Variants in GALNT13 observed in about 807,000 individuals in gnomAD.
GALNT13 encodes the protein polypeptide N-acetylgalactosaminyltransferase 13, also known as UDP-GalNAc:polypeptide N-acetylgalactosaminyltransferase 13.
Under a neutral mutation model 64.2 loss-of-function variants are expected in GALNT13, and 28 were observed. The ratio of observed to expected loss-of-function variants is 0.44; its 90% CI spans 0.32 to 0.60. The LOEUF (loss-of-function observed/expected upper bound fraction) is 0.60, where lower values mean the gene tolerates loss of function less well. Ranked by LOEUF, GALNT13 falls within the 20% of genes least tolerant of loss-of-function variation. The probability of loss-of-function intolerance (pLI) is 0.05; values close to 1 mark genes in which losing one functional copy is unlikely to be tolerated. For synonymous variants in GALNT13, 214 were observed against 224.6 expected, an observed-to-expected ratio of 0.95 and a Z score of 0.42; for missense variants, 577 against 669.8, an observed-to-expected ratio of 0.86 and a Z score of 1.53.
the GALNT13 span, among the ~76,000 whole-genome samples, chr2:153,769,457 A>G: frequency 1.1e-4 from 17 of 150,636 alleles, no homozygotes; most frequent in East Asian, 3.4e-3. Flanking sequence ...ATCTGTTATT[A>G]GTCTGATAGA....
chr2:153,705,274 A>G, the GALNT13 span, among the ~76,000 whole-genome samples: 1 of 152,188 alleles, frequency 6.6e-6, no homozygotes, highest in South Asian at 2.1e-4. Context: ...TTTTTCCTGT[A>G]AAATAAAGAT....
At chr2:153,356,794 T>A in the GALNT13 span, among the ~76,000 whole-genome samples, 1 of 128,166 alleles carries the variant, frequency 7.8e-6, no homozygotes, top group Non-Finnish European at 1.7e-5. Flanking sequence ...TTCCTCTTTT[T>A]TTTTTTTTTT....
the GALNT13 span, among the ~76,000 whole-genome samples, chr2:153,377,594 C>A: frequency 2.0e-5 from 3 of 152,088 alleles, no homozygotes; most frequent in Admixed American, 6.6e-5. Context: ...CCTCGGCTTG[C>A]CTTTGATGTC....
the GALNT13 span, among the ~76,000 whole-genome samples, chr2:153,545,731 T>A: frequency 6.6e-6 from 1 of 152,062 alleles, no homozygotes; most frequent in Non-Finnish European, 1.5e-5. Flanking sequence ...TGCCCCAATA[T>A]CTAGGGAGAG....
the GALNT13 span, among the ~76,000 whole-genome samples, chr2:153,136,058 T>C: frequency 1.3e-5 from 2 of 152,088 alleles, no homozygotes; most frequent in East Asian, 1.9e-4. Flanking sequence ...TTCTCTCTTA[T>C]TGAAAGCTGA....
chr2:153,744,220 A>T, the GALNT13 span, among the ~76,000 whole-genome samples: 2 of 152,066 alleles, frequency 1.3e-5, no homozygotes, highest in Non-Finnish European at 2.9e-5. Flanking sequence ...ATCATATGGT[A>T]ACTCAATTTT....
rs548647287 is a variant in GALNT13, at chr2:154,151,735, A to T, written c.311+11230A>T. On this transcript the variant is annotated intron_variant, in intron 4 of 12. Transcript: ENST00000392825. ...TTGTTGGTTTAAAGTCTGTTTTATC[A>T]GGGACTAGGATTGCAATCCCTGCCT... Among the ~76,000 whole-genome samples the T allele has an allele frequency of 3.9e-5, 6 of 152,270 alleles. No individual in the cohort carries two copies. The South Asian group carries it at 1.2e-3, about 32-fold the overall frequency.
chr2:153,591,181 G>A, the GALNT13 span, among the ~76,000 whole-genome samples: 2 of 151,952 alleles, frequency 1.3e-5, no homozygotes, highest in East Asian at 3.9e-4. Context: ...TAACCTAGCT[G>A]ACAAGATCAA....
In GALNT13 at chr2:154,004,963, A is replaced by G. The variant is rs116580840; in HGVS notation, c.142+60324A>G. Among the ~76,000 whole-genome samples the G allele has an allele frequency of 6.5e-3, 995 of 152,308 alleles. 8 individuals are homozygous for G. The highest frequency in any genetic ancestry group is 0.022 in the African/African-American group (921 of 41,578). ...GTATACCTTTAAAATTAGAAAAGAT[A>G]GTATGGCAAATTTAGTAACTTTTAA... On this transcript the variant is annotated intron_variant, in intron 3 of 12. Transcript: ENST00000392825.
At chr2:153,256,888 G>C in the GALNT13 span, among the ~76,000 whole-genome samples, 1 of 152,258 alleles carries the variant, frequency 6.6e-6, no homozygotes, top group South Asian at 2.1e-4. Context: ...GTCTGCAGAG[G>C]TTACTGTTGT....
intron 1 of GALNT13, among the ~76,000 whole-genome samples, chr2:153,874,410 T>A (rs1341045525): frequency 6.6e-6 from 1 of 151,986 alleles, no homozygotes; most frequent in Non-Finnish European, 1.5e-5. Flanking sequence ...TTAAGGTACT[T>A]GCTTAAGTAG....
chr2:154,314,904 T>A (rs1478854194), intron 9 of GALNT13, among the ~76,000 whole-genome samples: 1 of 152,128 alleles, frequency 6.6e-6, no homozygotes, highest in East Asian at 1.9e-4. Context: ...TGAAACACAC[T>A]CTTCTTTGCC....
chr2:154,259,560 T>C (rs994589940), intron 8 of GALNT13, among the ~76,000 whole-genome samples: 8 of 152,160 alleles, frequency 5.3e-5, no homozygotes, highest in Non-Finnish European at 1.2e-4. Context: ...CAAATGAATT[T>C]GGATAATTCT....
chr2:154,315,945 G>A (rs1315851732), intron 9 of GALNT13, among the ~76,000 whole-genome samples: 1 of 152,086 alleles, frequency 6.6e-6, no homozygotes, highest in Non-Finnish European at 1.5e-5. Context: ...AAAATTAGCT[G>A]GGCGTGGTGG....
intron 2 of GALNT13, among the ~76,000 whole-genome samples, chr2:153,940,009 G>T (rs1461990120): frequency 2.0e-5 from 3 of 152,072 alleles, no homozygotes; most frequent in Non-Finnish European, 4.4e-5. Flanking sequence ...CCTGAGAATT[G>T]AATTTTAGCG....
At chr2:154,305,069 T>C (rs544022054) in intron 9 of GALNT13, among the ~76,000 whole-genome samples, 8 of 152,306 alleles carry the variant, frequency 5.3e-5, no homozygotes, top group Non-Finnish European at 1.0e-4. Flanking sequence ...ATTTGAGCCC[T>C]GGGAAGATTT....
At chr2:153,356,769 C>G in the GALNT13 span, among the ~76,000 whole-genome samples, 1 of 147,024 alleles carries the variant, frequency 6.8e-6, no homozygotes, top group East Asian at 2.0e-4. Flanking sequence ...AAATAGAGAT[C>G]TGGAAATTTT....
chr2:154,021,125 C>A (rs1697446200), intron 3 of GALNT13, among the ~76,000 whole-genome samples: 2 of 152,158 alleles, frequency 1.3e-5, no homozygotes, highest in African/African-American at 4.8e-5. Flanking sequence ...AGTTTGAAGT[C>A]AGGTAGCGTG....
At chr2:153,684,475 T>A in the GALNT13 span, among the ~76,000 whole-genome samples, 1 of 151,666 alleles carries the variant, frequency 6.6e-6, no homozygotes, top group East Asian at 1.9e-4. Flanking sequence ...AATATTTAAC[T>A]TGAATATCAG....
Sources: allele counts gnomAD v4.1 joint callset (sites outside exome capture counted in the v4.1 genomes callset), GRCh38; gene constraint gnomAD v4.1.1; transcripts MANE v1.5; gene names NCBI Gene and HGNC (gene_info 2026-07-23, HGNC 2026-07-21).